The following AQR variants were observed in gnomAD, a reference collection of about 807,000 sequenced individuals.
AQR encodes the protein aquarius intron-binding spliceosomal factor.
AQR carries 61 observed loss-of-function variants against 180.5 expected under a neutral mutation model. That is an observed-to-expected ratio of 0.34 (90% CI 0.28 to 0.42). AQR has a LOEUF of 0.42. Among genes scored for constraint, AQR ranks in the 10% least tolerant of loss-of-function variants. The pLI is 1.00. For missense variants in AQR, 1,281 were observed against 1,798.3 expected (o/e 0.71, Z 5.20); for synonymous variants, 551 against 588.8 (o/e 0.94, Z 0.93).
At chr15:34,859,746 G>A (rs1892642746) in intron 34 of AQR, among the ~76,000 whole-genome samples, 1 of 152,122 alleles carries the variant, frequency 6.6e-6, no homozygotes, top group African/African-American at 2.4e-5. Context: ...TGGGCACAAG[G>A]GAAAACTCTT....
chr15:34,926,027 C>T (rs1010112768), intron 13 of AQR, among the ~76,000 whole-genome samples: 2 of 149,488 alleles, frequency 1.3e-5, no homozygotes, highest in Non-Finnish European at 3.0e-5. Context: ...ATTAGACGGG[C>T]GTGGTGGCGG....
Position 34,874,771 on chromosome 15 carries a change from T to C in AQR, c.3331A>G (p.Lys1111Glu). The change falls in exon 29 of 35, where the codon AAG (lysine) becomes GAG (glutamate). Residue 1111 changes from lysine (K) to glutamate (E), a missense_variant. Physicochemically the swap from Lys to Glu is moderately conservative, Grantham distance 56. Coordinates refer to ENST00000156471, the MANE Select transcript of AQR (RefSeq NM_014691.3). ...AGAGACTGCTCCATGTTTGAGTACT[T>C]TTGAAAGGCCATGTTCTTAATAACT... ...PPVIKNMAFQ[K>E]YSNMEQSLFT... 1 of 1,613,876 alleles carries C rather than the reference T, an allele frequency of 6.2e-7. No homozygotes were observed. The highest frequency in any genetic ancestry group is 8.5e-7 in the Non-Finnish European group (1 of 1,179,836).
At chr15:34,955,559 AC>A (rs1451145842) in intron 3 of AQR, among the ~76,000 whole-genome samples, 3 of 152,168 alleles carry the variant, frequency 2.0e-5, no homozygotes, top group African/African-American at 7.2e-5. Flanking sequence ...TGAGCTACCT[AC>A]TTCCAGATCT....
chr15:34,862,364 T>C (rs898087189), intron 33 of AQR, among the ~76,000 whole-genome samples: 36 of 152,278 alleles, frequency 2.4e-4, no homozygotes, highest in Admixed American at 2.3e-3. Flanking sequence ...TTGGATCCTC[T>C]ATCTGCTAGA....
chr15:34,938,783 T>C lies in AQR; in HGVS notation c.672A>G (p.Gln224=), dbSNP rs1893980524. The change falls in exon 9 of 35, where the codon CAA becomes CAG. Residue 224 remains glutamine (Q), a synonymous_variant. Transcript: ENST00000156471. Reference sequence around the variant, plus strand: ...GCACAGAGATAAACTTCTGGATGAGTTGTGAAAGAAATCTCCTCTCTTGAT... The same window carrying C: ...GCACAGAGATAAACTTCTGGATGAGCTGTGAAAGAAATCTCCTCTCTTGAT... ...QAYQERRFLS[Q]LIQKFISVLK... is the part of the protein sequence containing the mutation. The C allele has an allele frequency of 5.0e-6, 8 of 1,609,372 alleles. No individual in the cohort carries two copies. In the South Asian group the frequency reaches 5.5e-5, roughly 11 times the overall value.
At chr15:34,922,871 C>T (rs1893702006) in intron 13 of AQR, among the ~76,000 whole-genome samples, 1 of 151,992 alleles carries the variant, frequency 6.6e-6, no homozygotes, top group African/African-American at 2.4e-5. Context: ...TTTAAATTTG[C>T]ATTTCCCCAA....
At chr15:34,897,425 T>C in intron 21 of AQR, 134 bp downstream of exon 21, 6 of 1,016,146 alleles carry the variant, frequency 5.9e-6, no homozygotes, top group Admixed American at 2.6e-5. Flanking sequence ...ACTGACAGAA[T>C]AGAAAGAAAG....
At position 34,947,507 on chromosome 15, in the gene AQR, T is replaced by TA. The variant is rs748885960; in HGVS notation, c.330+756dup. 2.0e-3 allele frequency among the ~76,000 whole-genome samples: 267 copies of TA among 135,050 alleles called. 2 individuals are homozygous for TA. Among genetic ancestry groups the TA allele is most frequent in the Middle Eastern group, 0.012 (3 of 244 alleles). The allele number at this position is 135,050 out of a possible 152,430, so 88.6% of individuals were successfully genotyped here. A position where few individuals can be genotyped will look rare whatever the true frequency, so the allele number is the denominator to read the frequency against. ...GCGAGAAACACCCAAGAATGATCAA[T>TA]AAAAAAAATAATAATAATAATAATA... On this transcript the variant is annotated intron_variant, in intron 5 of 34. Transcript: ENST00000156471.
chr15:34,859,422 A>T (rs898790252), intron 34 of AQR, among the ~76,000 whole-genome samples: 2 of 152,198 alleles, frequency 1.3e-5, no homozygotes, highest in Admixed American at 1.3e-4. Flanking sequence ...GATGTGTAGC[A>T]ACTAGAACTC....
intron 8 of AQR, among the ~76,000 whole-genome samples, chr15:34,939,474 C>T (rs1279657347): frequency 6.6e-6 from 1 of 152,128 alleles, no homozygotes; most frequent in Non-Finnish European, 1.5e-5. Context: ...AAAAATCTCA[C>T]ATTTAATGTA....
chr15:34,888,683 T>C (rs967494799), intron 24 of AQR, among the ~76,000 whole-genome samples: 7 of 152,184 alleles, frequency 4.6e-5, no homozygotes, highest in African/African-American at 1.7e-4. Context: ...GGCAACAAAG[T>C]GAAACTCTGT....
At chr15:34,898,428 T>C (rs1011270381) in intron 20 of AQR, among the ~76,000 whole-genome samples, 1 of 152,198 alleles carries the variant, frequency 6.6e-6, no homozygotes, top group African/African-American at 2.4e-5. Flanking sequence ...TCAGCACTTA[T>C]TTTGGTAAGA....
chr15:34,892,855 A>C (rs901866720), intron 23 of AQR, among the ~76,000 whole-genome samples: 1 of 152,198 alleles, frequency 6.6e-6, no homozygotes, highest in Non-Finnish European at 1.5e-5. Context: ...TGATAAACAG[A>C]ATGGTTGTAT....
At chr15:34,936,640 C>A (rs1893949297) in intron 9 of AQR, among the ~76,000 whole-genome samples, 1 of 151,732 alleles carries the variant, frequency 6.6e-6, no homozygotes, top group African/African-American at 2.4e-5. Context: ...CACTTGGACC[C>A]AGGAGGCAGA....
chr15:34,944,548 TG>T, intron 5 of AQR, 120 bp from the exon 6 acceptor site: 1 of 989,072 alleles, frequency 1.0e-6, no homozygotes, highest in Non-Finnish European at 1.4e-6. Context: ...AAGGGTTATT[TG>T]TATATGTATA....
intron 5 of AQR, among the ~76,000 whole-genome samples, chr15:34,945,520 TA>T: frequency 6.6e-6 from 1 of 152,368 alleles, no homozygotes; most frequent in South Asian, 2.1e-4. Context: ...GTGATCTTTA[TA>T]ACAGGTAAAC....
At chr15:34,926,536 T>C (rs1395358393) in intron 13 of AQR, among the ~76,000 whole-genome samples, 1 of 152,218 alleles carries the variant, frequency 6.6e-6, no homozygotes, top group Non-Finnish European at 1.5e-5. Context: ...CTAGCATGAA[T>C]GTTTTCAGAG....
Position 34,948,287 on chromosome 15 carries a change from T to C in AQR, c.307A>G (p.Arg103Gly). 1 of 1,613,768 alleles carries C rather than the reference T, an allele frequency of 6.2e-7. No individual in the cohort carries two copies. The highest frequency in any genetic ancestry group is 8.5e-7 in the Non-Finnish European group (1 of 1,179,956). ...SICCMVNEKF[R>G]ENVPAWEIFK... is the part of the protein sequence containing the mutation. ...ACCTCCCATGCAGGCACGTTTTCTC[T>C]AAACTTCTCATTCACCATACAGCAG... is the stretch of plus-strand genomic sequence containing the variant. The change falls in exon 5 of 35, where the codon AGA becomes GGA. Residue 103 changes from arginine to glycine, a missense_variant. Around this residue, in one of 9 missense-constraint regions of AQR, gnomAD observed 404 missense variants for 490.9 expected, o/e 0.82. Transcript: ENST00000156471.
rs1478942641 is a variant in AQR, at chr15:34,867,746, C to T, written c.3769-137G>A. 4.6e-6 allele frequency: 3 copies of T among 647,560 alleles called. No homozygotes were observed. In the East Asian group the frequency reaches 8.7e-5, roughly 19 times the overall value. 40.1% of individuals were successfully genotyped at this position (647,560 alleles called of 1,614,324 possible). On this transcript the variant is annotated intron_variant, in intron 31 of 34. Transcript: ENST00000156471. Reference sequence around the variant, plus strand: ...AAACATAATCATAGGCTTGGAATTCCAAGAACAAGTTAATGAACATTATTA... The same window carrying T: ...AAACATAATCATAGGCTTGGAATTCTAAGAACAAGTTAATGAACATTATTA...
Sources: allele counts gnomAD v4.1 joint callset (sites outside exome capture counted in the v4.1 genomes callset), GRCh38; gene constraint gnomAD v4.1.1; regional missense constraint gnomAD v4.1.1; transcripts MANE v1.5; gene names NCBI Gene and HGNC (gene_info 2026-07-23, HGNC 2026-07-21).